Variants in NSMAF observed in about 807,000 individuals in gnomAD.
The protein encoded by NSMAF is protein FAN.
In NSMAF, 90 loss-of-function variants were observed where a neutral mutation model predicts 134.9. That is an observed-to-expected ratio of 0.67 (90% CI 0.56 to 0.79). NSMAF has a LOEUF of 0.79. NSMAF is among the 30% of genes least tolerant of loss of function. NSMAF has a pLI of 0.00. For missense variants in NSMAF, 1,010 were observed against 1,119.0 expected (o/e 0.90, Z 1.39); for synonymous variants, 358 against 389.6 (o/e 0.92, Z 0.96).
chr8:58,619,001 A>G (rs993591333), intron 9 of NSMAF, among the ~76,000 whole-genome samples: 1 of 152,204 alleles, frequency 6.6e-6, no homozygotes, highest in Non-Finnish European at 1.5e-5. Flanking sequence ...AATGAATGTC[A>G]TGCTGAAGCC....
intron 13 of NSMAF, 132 bp from the exon 14 acceptor site, chr8:58,602,269 T>C: frequency 4.9e-6 from 3 of 609,844 alleles, no homozygotes; most frequent in African/African-American, 3.8e-5. Flanking sequence ...AGAGTTATTT[T>C]TGTTAGTTAT....
At chr8:58,659,503 T>A in intron 1 of NSMAF, 70 bp downstream of exon 1, 1 of 1,429,306 alleles carries the variant, frequency 7.0e-7, no homozygotes, top group Non-Finnish European at 9.3e-7. Flanking sequence ...CCCTCAGATC[T>A]CCGGCCGGCG....
At chr8:58,620,930 G>C (rs1806775913) in intron 9 of NSMAF, among the ~76,000 whole-genome samples, 1 of 152,048 alleles carries the variant, frequency 6.6e-6, no homozygotes, top group South Asian at 2.1e-4. Context: ...TACTCTCAAA[G>C]ACTTAATTTT....
In NSMAF at chr8:58,599,987, C is replaced by A; in HGVS notation, c.1315G>T (p.Ala439Ser). ...CTGCTTACCTCTTTAAAATCCGTTG[C>A]ACCATCCAGACAGTTTTTCCAAGTT... ...AETWKNCLDG[A>S]TDFKELIPEF... Residue 439 changes from alanine (A) to serine (S), a missense_variant, in exon 17 of 31, where the codon GCA becomes TCA. Physicochemically the swap from Ala to Ser is moderately conservative, Grantham distance 99. Coordinates refer to ENST00000038176, the MANE Select transcript of NSMAF (RefSeq NM_003580.4). The A allele has an allele frequency of 6.2e-7, 1 of 1,613,988 alleles. No homozygotes were observed. The highest frequency in any genetic ancestry group is 2.2e-5 in the East Asian group (1 of 44,880).
rs549507173 is a variant in NSMAF, at chr8:58,597,663, C to T, written c.1629-113G>A. ...GGGACTAACCCTCAAATAATGACAGCAACTATGTACCAGGATTGTCTAAAC... is the reference window on the plus strand; with the variant it reads ...GGGACTAACCCTCAAATAATGACAGTAACTATGTACCAGGATTGTCTAAAC... On this transcript the variant is annotated intron_variant, in intron 20 of 30. Coordinates refer to ENST00000038176, the MANE Select transcript of NSMAF (RefSeq NM_003580.4). 6.6e-5 allele frequency: 70 copies of T among 1,060,186 alleles called. No homozygotes were observed. In the African/African-American group the frequency reaches 9.2e-4, roughly 14 times the overall value. The allele number at this position is 1,060,186 out of a possible 1,614,324, so 65.7% of individuals were successfully genotyped here. A position where few individuals can be genotyped will look rare whatever the true frequency, so the allele number is the denominator to read the frequency against.
At chr8:58,629,027 A>G (rs1005173893) in intron 6 of NSMAF, among the ~76,000 whole-genome samples, 5 of 152,126 alleles carry the variant, frequency 3.3e-5, no homozygotes, top group African/African-American at 1.2e-4. Flanking sequence ...GACATCTCTG[A>G]AGTCCTCCTA....
chr8:58,613,847 A>T (rs147846446), intron 9 of NSMAF, among the ~76,000 whole-genome samples: 122 of 152,298 alleles, frequency 8.0e-4, no homozygotes, highest in African/African-American at 2.9e-3. Context: ...CCTAATCACA[A>T]AATCTGAAAT....
At chr8:58,597,975 C>T in intron 19 of NSMAF, 73 bp from the exon 20 acceptor site, 1 of 1,087,372 alleles carries the variant, frequency 9.2e-7, no homozygotes, top group South Asian at 1.3e-5. Flanking sequence ...AGAACCTAAA[C>T]AATGCAACAA....
intron 2 of NSMAF, among the ~76,000 whole-genome samples, chr8:58,642,582 G>A (rs1807360977): frequency 6.6e-6 from 1 of 152,128 alleles, no homozygotes; most frequent in Non-Finnish European, 1.5e-5. Flanking sequence ...AGAGGATACT[G>A]CATAACTACA....
At position 58,623,735 on chromosome 8, in the gene NSMAF, C is replaced by A. The variant is rs1328958875; in HGVS notation, c.430G>T (p.Glu144Ter). The A allele has an allele frequency of 1.2e-6, 2 of 1,614,040 alleles. No individual in the cohort carries two copies. Among genetic ancestry groups the A allele is most frequent in the Non-Finnish European group, 1.7e-6 (2 of 1,180,000 alleles). Residue 144 changes from glutamate (E) to a stop codon, truncating the protein, a stop_gained, in exon 7 of 31, where the codon GAA becomes TAA. Coordinates refer to ENST00000038176, the MANE Select transcript of NSMAF (RefSeq NM_003580.4). LOFTEE classifies it high-confidence loss of function. ...VFELDVPGKV[E>*]DVVETLLQLH... is the part of the protein sequence containing the mutation. ...TGAAGCAACGTCTCCACAACATCTT[C>A]CACTTTCCCGGGAACATCCAATTCA...
intron 1 of NSMAF, among the ~76,000 whole-genome samples, chr8:58,648,623 C>T (rs1024402197): frequency 6.6e-6 from 1 of 152,214 alleles, no homozygotes; most frequent in Non-Finnish European, 1.5e-5. Flanking sequence ...CTTCCCACTA[C>T]CCCATACAGC....
rs1805829238 is a variant in NSMAF, at chr8:58,584,090, G to A, written c.*16C>T. The A allele has an allele frequency of 6.3e-7, 1 of 1,576,220 alleles. No homozygotes were observed. Among genetic ancestry groups the A allele is most frequent in the Admixed American group, 1.7e-5 (1 of 59,916 alleles). On this transcript the variant is annotated 3_prime_UTR_variant, in exon 31 of 31. Coordinates refer to ENST00000038176, the MANE Select transcript of NSMAF (RefSeq NM_003580.4). ...TAAATAGAGTTCAATTTAATATTCA[G>A]GAGAGGAAAAGGCACTTAATACTGC...
intron 5 of NSMAF, among the ~76,000 whole-genome samples, chr8:58,634,570 G>A (rs749158014): frequency 8.5e-5 from 13 of 152,100 alleles, no homozygotes; most frequent in East Asian, 1.9e-4. Flanking sequence ...TAACCCTTTC[G>A]CTTTAAAGAT....
In NSMAF at chr8:58,589,536, C is replaced by T. The variant is rs748408203; in HGVS notation, c.2127G>A (p.Thr709=). 25 of 1,571,312 alleles carry T rather than the reference C, an allele frequency of 1.6e-5. No individual in the cohort carries two copies. Among genetic ancestry groups the T allele is most frequent in the Middle Eastern group, 1.7e-4 (1 of 5,994 alleles). ...TAACAGCATCATCATGTCCCATTAA[C>T]GTGTCCTGGCGTCTTCCAAATGCTA... ...YSIAFGRRQD[T]LMGHDDAVSK... is the part of the protein sequence containing the mutation. The change falls in exon 26 of 31, where the codon ACG becomes ACA. Residue 709 remains threonine (T), a synonymous_variant. Transcript: ENST00000038176.
intron 1 of NSMAF, among the ~76,000 whole-genome samples, chr8:58,657,064 A>C (rs987698915): frequency 3.3e-5 from 5 of 152,128 alleles, no homozygotes; most frequent in African/African-American, 9.7e-5. Flanking sequence ...CACCTCTCAC[A>C]GACAATACAC....
chr8:58,611,727 AAAAC>A (rs1410781125), intron 9 of NSMAF, among the ~76,000 whole-genome samples: 4 of 152,220 alleles, frequency 2.6e-5, no homozygotes, highest in Admixed American at 2.0e-4. Flanking sequence ...TGTCCTAACT[AAAAC>A]AAAACCAAAG....
chr8:58,599,698 CACT>C (rs1806229773), intron 18 of NSMAF, 49 bp downstream of exon 18: 2 of 1,566,146 alleles, frequency 1.3e-6, no homozygotes, highest in East Asian at 4.5e-5. Context: ...ACTGAAATTG[CACT>C]ACTTGGTAAA....
chr8:58,594,871 T>C (rs751385265), intron 22 of NSMAF: 5 of 155,454 alleles, frequency 3.2e-5, no homozygotes, highest in African/African-American at 7.2e-5. Context: ...ATCCATCTAA[T>C]GCACAGCAGT....
chr8:58,606,889 G>C (rs1430457037), intron 11 of NSMAF, among the ~76,000 whole-genome samples: 1 of 152,152 alleles, frequency 6.6e-6, no homozygotes, highest in Non-Finnish European at 1.5e-5. Flanking sequence ...TATATAAATT[G>C]CCTGTTACAT....
Sources: allele counts gnomAD v4.1 joint callset (sites outside exome capture counted in the v4.1 genomes callset), GRCh38; gene constraint gnomAD v4.1.1; transcripts MANE v1.5; gene names NCBI Gene and HGNC (gene_info 2026-07-23, HGNC 2026-07-21).